Variants in HDAC4 observed in about 807,000 individuals in gnomAD.
HDAC4 encodes histone deacetylase A.
In HDAC4, 16 loss-of-function variants were observed where a neutral mutation model predicts 135.1. The observed-to-expected ratio is 0.12, with a 90% CI of 0.08 to 0.18. The LOEUF is 0.18. Ranked by LOEUF, HDAC4 falls within the 10% of genes least tolerant of loss-of-function variation. The pLI is 1.00. For missense variants in HDAC4, 1,143 were observed against 1,511.8 expected, an observed-to-expected ratio of 0.76 and a Z score of 4.05; for synonymous variants, 685 against 653.4, an observed-to-expected ratio of 1.05 and a Z score of -0.74.
chr2:239,063,710 A>G (rs1024465883), intron 24 of HDAC4, among the ~76,000 whole-genome samples: 3 of 152,102 alleles, frequency 2.0e-5, no homozygotes, highest in Non-Finnish European at 2.9e-5. Context: ...CGAGAGCCCA[A>G]CTGTCCTCCC....
chr2:239,371,122 G>A (rs1377334947), intron 1 of HDAC4, among the ~76,000 whole-genome samples: 1 of 152,182 alleles, frequency 6.6e-6, no homozygotes, highest in Admixed American at 6.5e-5. Flanking sequence ...CTTTGTCCAG[G>A]CAGGAACCCT....
rs1468612614 is a variant in HDAC4 at position 239,349,128 on chromosome 2, G to A, written c.22+3550C>T. 3.3e-5 allele frequency among the ~76,000 whole-genome samples: 5 copies of A among 152,194 alleles called. No individual in the cohort carries two copies. The highest frequency in any genetic ancestry group is 1.2e-4 in the African/African-American group (5 of 41,456). On this transcript the variant is annotated intron_variant, in intron 2 of 26. Coordinates refer to ENST00000543185, the MANE Select transcript of HDAC4 (RefSeq NM_001378414.1). This position sits in a 1 kb window ranked among gnomAD's most constrained non-coding sequence, Gnocchi z 5.7. Reference sequence around the variant, plus strand: ...CGGGCACCCACACCAGGCCACACAGGAGCAGGGCCCCCATGCCAGATGGGC... The same window carrying A: ...CGGGCACCCACACCAGGCCACACAGAAGCAGGGCCCCCATGCCAGATGGGC...
chr2:239,139,656 G>A lies in HDAC4; in HGVS notation c.978+28C>T, dbSNP rs1435865023. ...CGTCCCGAGTCCGACTCTAGCCGTA[G>A]GACACAGGACAAACGCTTCGCACTG... is the stretch of plus-strand genomic sequence containing the variant. On this transcript the variant is annotated intron_variant, in intron 9 of 26. Transcript: ENST00000543185. The surrounding 1 kb of genome is among the most constrained non-coding windows in gnomAD (Gnocchi z 5.3). 1 of 1,591,454 alleles carries A rather than the reference G, an allele frequency of 6.3e-7. No homozygotes were observed.
At chr2:239,275,195 G>A (rs2050285695) in intron 2 of HDAC4, among the ~76,000 whole-genome samples, 1 of 152,208 alleles carries the variant, frequency 6.6e-6, no homozygotes, top group African/African-American at 2.4e-5. Context: ...GCCACCCCAG[G>A]CCCTCAGCCC....
At chr2:239,083,632 C>A (rs1490951972) in intron 20 of HDAC4, among the ~76,000 whole-genome samples, 1 of 152,144 alleles carries the variant, frequency 6.6e-6, no homozygotes, top group Non-Finnish European at 1.5e-5. Context: ...AATGAGTATA[C>A]CTATTCGTGG....
rs371856046 is a variant in HDAC4 at position 239,359,066 on chromosome 2, T to TA, written c.-219-6149dup. ...ATGTAAAAAGTACAAATATTTTAAGTAAAAAAAAAGTGTTTTCATATTGAT... is the reference window on the plus strand; with the variant it reads ...ATGTAAAAAGTACAAATATTTTAAGTAAAAAAAAAAGTGTTTTCATATTGAT... On this transcript the variant is annotated intron_variant, in intron 1 of 26. Transcript: ENST00000543185. Among the ~76,000 whole-genome samples, 9 of 151,510 alleles carry TA rather than the reference T, an allele frequency of 5.9e-5. No homozygotes were observed. The South Asian group carries it at 6.3e-4, about 11-fold the overall frequency.
At chr2:239,057,180 G>A (rs1484679673) in intron 24 of HDAC4, among the ~76,000 whole-genome samples, 1 of 152,186 alleles carries the variant, frequency 6.6e-6, no homozygotes, top group East Asian at 1.9e-4. Context: ...GGGGGGATAT[G>A]AGGAACTTGT....
At chr2:239,101,184 G>A (rs150299876) in intron 16 of HDAC4, among the ~76,000 whole-genome samples, 124 of 152,218 alleles carry the variant, frequency 8.1e-4, no homozygotes, top group African/African-American at 2.9e-3. Flanking sequence ...CCCCAAACTT[G>A]AGGCTTCTGT....
intron 19 of HDAC4, among the ~76,000 whole-genome samples, chr2:239,086,389 G>A (rs1038339068): frequency 6.0e-5 from 9 of 149,408 alleles, no homozygotes; most frequent in African/African-American, 2.3e-4. Context: ...TCTAACACGC[G>A]GATCTGACTA....
intron 1 of HDAC4, among the ~76,000 whole-genome samples, chr2:239,361,827 C>G (rs1217726132): frequency 6.6e-6 from 1 of 152,220 alleles, no homozygotes; most frequent in East Asian, 1.9e-4. Flanking sequence ...TTTAATAAGA[C>G]TTAAGCATGA....
chr2:239,171,169 CAAAA>C (rs34204026), intron 5 of HDAC4, among the ~76,000 whole-genome samples: 74 of 114,344 alleles, frequency 6.5e-4, no homozygotes, highest in South Asian at 1.5e-3. Flanking sequence ...ACAATCTGAC[CAAAA>C]AAAAAAAAAA....
intron 16 of HDAC4, among the ~76,000 whole-genome samples, chr2:239,101,555 A>C (rs1438041615): frequency 6.6e-6 from 1 of 152,110 alleles, no homozygotes; most frequent in African/African-American, 2.4e-5. Context: ...CATGGTTCCT[A>C]GTTCTCCCTC....
chr2:239,111,761 C>T (rs1293305946), intron 13 of HDAC4, 49 bp from the exon 14 acceptor site: 1 of 1,517,386 alleles, frequency 6.6e-7, no homozygotes, highest in Non-Finnish European at 9.0e-7. Flanking sequence ...TCTCCCGCCC[C>T]TGGGCTGCAG....
intron 2 of HDAC4, among the ~76,000 whole-genome samples, chr2:239,243,281 T>C (rs1034993977): frequency 1.3e-4 from 20 of 151,888 alleles, no homozygotes; most frequent in Non-Finnish European, 2.6e-4. Flanking sequence ...GCCTCCCGAA[T>C]AGGTGAGACT....
At chr2:239,369,919 G>A (rs1288452638) in intron 1 of HDAC4, among the ~76,000 whole-genome samples, 6 of 152,258 alleles carry the variant, frequency 3.9e-5, no homozygotes, top group Non-Finnish European at 7.3e-5. Flanking sequence ...GCCCTGATGG[G>A]AACTTCCCAT....
chr2:239,173,067 C>T (rs1474018012), intron 5 of HDAC4, among the ~76,000 whole-genome samples: 1 of 152,040 alleles, frequency 6.6e-6, no homozygotes, highest in African/African-American at 2.4e-5. Context: ...GTAAGTTTCA[C>T]AAGATATTTA....
rs934153823 is a variant in HDAC4 at position 239,102,772 on chromosome 2, A to C, written c.2233+4T>G. On this transcript the variant is annotated splice_donor_region_variant and intron_variant, in intron 16 of 26. Transcript: ENST00000543185. Reference sequence around the variant, plus strand: ...TATGGGAGGAAAGGAAGGTCCTGAAATACCTAGAAGTTTCTTACTGTCCAG... The same window carrying C: ...TATGGGAGGAAAGGAAGGTCCTGAACTACCTAGAAGTTTCTTACTGTCCAG... The C allele has an allele frequency of 1.2e-6, 2 of 1,613,832 alleles. No homozygotes were observed. The highest frequency in any genetic ancestry group is 1.7e-5 in the Admixed American group (1 of 60,026).
At chr2:239,090,196 G>T in intron 17 of HDAC4, 80 bp from the exon 18 acceptor site, 1 of 998,842 alleles carries the variant, frequency 1.0e-6, no homozygotes, top group Non-Finnish European at 1.6e-6. Flanking sequence ...GAGCAGCTCA[G>T]GTTCCGTGGG....
At chr2:239,071,780 C>T (rs34135059) in intron 22 of HDAC4, among the ~76,000 whole-genome samples, 21,256 of 152,108 alleles carry the variant, frequency 0.14, 2,268 homozygotes, top group East Asian at 0.37. Context: ...CTGATCTGGA[C>T]GCTGTGGTTT....
Sources: gnomAD v4.1 joint callset for allele counts (sites outside exome capture counted in the v4.1 genomes callset) on GRCh38, gnomAD v4.1.1 for gene constraint, Gnocchi (gnomAD v3.1) non-coding constraint, MANE v1.5 for transcripts, NCBI Gene and HGNC (gene_info 2026-07-23, HGNC 2026-07-21) for gene names.